Variants in CACNA2D1 observed in about 807,000 individuals in gnomAD.
CACNA2D1 encodes voltage-dependent calcium channel subunit alpha-2/delta-1.
A neutral mutation model predicts 171.5 loss-of-function variants in CACNA2D1; 53 were observed. The ratio of observed to expected loss-of-function variants is 0.31; its 90% CI spans 0.25 to 0.39. CACNA2D1 has a LOEUF of 0.39. Ranked by LOEUF, CACNA2D1 falls within the 10% of genes least tolerant of loss-of-function variation. CACNA2D1 has a pLI of 1.00. For missense variants in CACNA2D1, 903 were observed against 1,299.8 expected, an observed-to-expected ratio of 0.69 and a Z score of 4.69; for synonymous variants, 442 against 443.1, an observed-to-expected ratio of 1.00 and a Z score of 0.03.
intron 6 of CACNA2D1, among the ~76,000 whole-genome samples, chr7:82,108,955 C>T (rs564357918): frequency 6.6e-6 from 1 of 152,142 alleles, no homozygotes; most frequent in South Asian, 2.1e-4. Context: ...CACTTTATTA[C>T]AATAGACAAT....
intron 3 of CACNA2D1, among the ~76,000 whole-genome samples, chr7:82,276,754 C>CT (rs199823327): frequency 0.32 from 44,782 of 138,536 alleles, 7,102 homozygotes; most frequent in Non-Finnish European, 0.33. Flanking sequence ...TTTTCTTTTT[C>CT]TTTTTTTTTT....
At chr7:82,203,569 A>G (rs2282939) in intron 3 of CACNA2D1, among the ~76,000 whole-genome samples, 17,951 of 152,186 alleles carry the variant, frequency 0.12, 1,367 homozygotes, top group East Asian at 0.2. Flanking sequence ...ACCACCTTCC[A>G]GGCAGCCAAA....
intron 3 of CACNA2D1, among the ~76,000 whole-genome samples, chr7:82,276,976 G>C (rs1809429785): frequency 6.6e-6 from 1 of 151,904 alleles, no homozygotes. Context: ...TCGATCTCTT[G>C]ACCTTATGAT....
chr7:82,285,018 A>C (rs971315046), intron 3 of CACNA2D1, among the ~76,000 whole-genome samples: 1 of 152,116 alleles, frequency 6.6e-6, no homozygotes, highest in Non-Finnish European at 1.5e-5. Context: ...CAATAGATCA[A>C]ATAAGCCCGG....
chr7:82,401,303 A>G lies in CACNA2D1; in HGVS notation c.95+42062T>C, dbSNP rs1424282243. Among the ~76,000 whole-genome samples the G allele has an allele frequency of 8.6e-5, 13 of 151,832 alleles. No homozygotes were observed. In the South Asian group the frequency reaches 2.5e-3, roughly 29 times the overall value. On this transcript the variant is annotated intron_variant, in intron 1 of 38. Transcript: ENST00000356860. Reference sequence around the variant, plus strand: ...TCACAATAGCAAAGACTTGGAACCAACCCAAATGTCCAACAATGATAGACT... The same window carrying G: ...TCACAATAGCAAAGACTTGGAACCAGCCCAAATGTCCAACAATGATAGACT...
chr7:82,234,774 A>C (rs1334425239), intron 3 of CACNA2D1, among the ~76,000 whole-genome samples: 2 of 152,200 alleles, frequency 1.3e-5, no homozygotes, highest in African/African-American at 4.8e-5. Context: ...TGATTTTTGA[A>C]AGTAAAATGA....
At position 82,169,237 on chromosome 7, in the gene CACNA2D1, C is replaced by T. The variant is rs577050129; in HGVS notation, c.354+1313G>A. 4.1e-4 allele frequency among the ~76,000 whole-genome samples: 63 copies of T among 152,058 alleles called. No homozygotes were observed. In the South Asian group the frequency reaches 0.013, roughly 31 times the overall value. On this transcript the variant is annotated intron_variant, in intron 4 of 38. Coordinates refer to ENST00000356860, the MANE Select transcript of CACNA2D1 (RefSeq NM_000722.4). ...TACAGTTTGCTCGATGCTCTAGGAG[C>T]TTATGTTTTTAGCTTAATCATTGAT...
At chr7:82,384,255 C>T (rs898138280) in intron 1 of CACNA2D1, among the ~76,000 whole-genome samples, 2 of 152,044 alleles carry the variant, frequency 1.3e-5, no homozygotes, top group East Asian at 1.9e-4. Context: ...CCAGTGTGTC[C>T]GTATTTGGAG....
At chr7:82,394,358 C>T (rs536401248) in intron 1 of CACNA2D1, among the ~76,000 whole-genome samples, 5 of 150,452 alleles carry the variant, frequency 3.3e-5, no homozygotes, top group African/African-American at 7.3e-5. Flanking sequence ...AAAGAAAAGA[C>T]GAAACAAAGG....
chr7:82,186,412 T>G (rs997244711), intron 3 of CACNA2D1, among the ~76,000 whole-genome samples: 5 of 152,120 alleles, frequency 3.3e-5, no homozygotes, highest in Non-Finnish European at 7.4e-5. Context: ...CACTAGAAGT[T>G]ATTTCACCAA....
At chr7:82,373,996 T>C (rs1822723582) in intron 1 of CACNA2D1, among the ~76,000 whole-genome samples, 1 of 152,178 alleles carries the variant, frequency 6.6e-6, no homozygotes, top group South Asian at 2.1e-4. Flanking sequence ...TTAACAAAAG[T>C]TGTGTCACCC....
chr7:82,161,728 A>T (rs954165429), intron 4 of CACNA2D1, among the ~76,000 whole-genome samples: 5 of 152,084 alleles, frequency 3.3e-5, no homozygotes, highest in Non-Finnish European at 7.4e-5. Context: ...TTGACATGCC[A>T]GTGAGACAGG....
chr7:82,304,667 G>GT (rs1427763142), intron 3 of CACNA2D1, among the ~76,000 whole-genome samples: 2 of 152,098 alleles, frequency 1.3e-5, no homozygotes, highest in African/African-American at 4.8e-5. Flanking sequence ...TTTTATGGAG[G>GT]TAAAAAGTAT....
At chr7:82,401,328 T>G (rs910506442) in intron 1 of CACNA2D1, among the ~76,000 whole-genome samples, 14 of 151,292 alleles carry the variant, frequency 9.3e-5, no homozygotes, top group African/African-American at 3.4e-4. Context: ...AATGATAGAC[T>G]GGATTAAGAA....
intron 3 of CACNA2D1, among the ~76,000 whole-genome samples, chr7:82,216,670 G>T (rs1431425415): frequency 6.6e-6 from 1 of 151,972 alleles, no homozygotes; most frequent in African/African-American, 2.4e-5. Context: ...CCTAAGAAGG[G>T]TTCCATTTTG....
chr7:81,964,085 T>C lies in CACNA2D1; in HGVS notation c.2751A>G (p.Gln917=). The part of the protein sequence containing the change: ...AYVPSVADIL[Q]IGWWATAAAW... Reference sequence around the variant, plus strand: ...CAGCAGCAGTGGCCCACCAGCCAATTTGTAATATGTCTGCTACTGATGGCT... The same window carrying C: ...CAGCAGCAGTGGCCCACCAGCCAATCTGTAATATGTCTGCTACTGATGGCT... Residue 917 remains glutamine (Q), a synonymous_variant, in exon 34 of 39, where the codon CAA becomes CAG. Coordinates refer to ENST00000356860, the MANE Select transcript of CACNA2D1 (RefSeq NM_000722.4). The C allele has an allele frequency of 6.2e-7, 1 of 1,612,260 alleles. No homozygotes were observed.
chr7:82,382,507 A>G (rs1161671928), intron 1 of CACNA2D1, among the ~76,000 whole-genome samples: 1 of 152,180 alleles, frequency 6.6e-6, no homozygotes, highest in Non-Finnish European at 1.5e-5. Context: ...AGAGTAGCTG[A>G]GGCCTAAACA....
rs1409507624 is a variant in CACNA2D1 at position 81,968,950 on chromosome 7, A to C, written c.2332T>G (p.Ser778Ala). The part of the protein sequence containing the change: ...FNKSGPGAYE[S>A]GIMVSKAVEI... ...ACAGCTTTGCTTACCATAATGCCCG[A>C]TTCATAGGCACCAGGTCCACTTTCT... Residue 778 changes from serine to alanine, a missense_variant, in exon 29 of 39, where the codon TCG (serine) becomes GCG (alanine). Physicochemically the swap from Ser to Ala is moderately conservative, Grantham distance 99. Around this residue, in one of 5 missense-constraint regions of CACNA2D1, gnomAD observed 623 missense variants for 925.5 expected, o/e 0.67. Transcript: ENST00000356860. 46 of 1,589,990 alleles carry C rather than the reference A, an allele frequency of 2.9e-5. No individual in the cohort carries two copies. Among genetic ancestry groups the C allele is most frequent in the Non-Finnish European group, 3.8e-5 (44 of 1,160,396 alleles).
At chr7:82,122,306 A>T (rs1789835227) in intron 5 of CACNA2D1, among the ~76,000 whole-genome samples, 1 of 152,218 alleles carries the variant, frequency 6.6e-6, no homozygotes, top group Admixed American at 6.5e-5. Flanking sequence ...GACAAAATTG[A>T]CATTCTTCAA....
Sources: allele counts gnomAD v4.1 joint callset (sites outside exome capture counted in the v4.1 genomes callset), GRCh38; gene constraint gnomAD v4.1.1; regional missense constraint gnomAD v4.1.1; transcripts MANE v1.5; gene names NCBI Gene and HGNC (gene_info 2026-07-23, HGNC 2026-07-21).